Variants in MAP3K13 observed in about 807,000 individuals in gnomAD.
MAP3K13 encodes leucine zipper-bearing kinase.
MAP3K13 carries 52 observed loss-of-function variants against 104.0 expected under a neutral mutation model. The ratio of observed to expected loss-of-function variants is 0.50; its 90% confidence interval spans 0.40 to 0.63. The LOEUF is 0.63. Ranked by LOEUF, MAP3K13 falls within the 20% of genes least tolerant of loss-of-function variation. The pLI, the probability that MAP3K13 is intolerant of heterozygous loss-of-function variation, is 0.00. For missense variants in MAP3K13, 914 were observed against 1,218.5 expected, an observed-to-expected ratio of 0.75 and a Z score of 3.72; for synonymous variants, 394 against 442.2, an observed-to-expected ratio of 0.89 and a Z score of 1.37.
intron 10 of MAP3K13, among the ~76,000 whole-genome samples, chr3:185,470,166 TAAAAAC>T (rs1269394069): frequency 6.6e-6 from 1 of 152,170 alleles, no homozygotes; most frequent in East Asian, 1.9e-4. Flanking sequence ...ATTCTGTTGT[TAAAAAC>T]AAAAAAGTCT....
At chr3:185,467,653 C>T (rs936950242) in intron 10 of MAP3K13, among the ~76,000 whole-genome samples, 6 of 151,816 alleles carry the variant, frequency 4.0e-5, no homozygotes, top group Admixed American at 3.3e-4. Context: ...CGTGGTGGCA[C>T]GTGCCTGTAA....
Position 185,455,008 on chromosome 3 carries a change from G to GAT in MAP3K13, c.1278+3620_1278+3621dup, listed in dbSNP as rs1162911608. Among the ~76,000 whole-genome samples, 141 of 24,378 alleles carry GAT rather than the reference G, an allele frequency of 5.8e-3. 7 individuals are homozygous for GAT. Among genetic ancestry groups the GAT allele is most frequent in the Admixed American group, 0.01 (15 of 1,460 alleles). 16.0% of individuals were successfully genotyped at this position (24,378 alleles called of 152,430 possible). ...TATGAGATATATATGATATATATGA[G>GAT]ATATATATGATATATATGAGATATA... is the stretch of plus-strand genomic sequence containing the variant. On this transcript the variant is annotated intron_variant, in intron 7 of 13. Coordinates refer to ENST00000265026, the MANE Select transcript of MAP3K13 (RefSeq NM_004721.5).
At position 185,466,871 on chromosome 3, in the gene MAP3K13, A is replaced by G; in HGVS notation, c.1551A>G (p.Arg517=). 6.2e-7 allele frequency: 1 copy of G among 1,613,946 alleles called. No individual in the cohort carries two copies. The highest frequency in any genetic ancestry group is 8.5e-7 in the Non-Finnish European group (1 of 1,179,854). ...VEKKYPGTYK[R]HPVRPIIHPN... ...AGAAGTATCCTGGGACCTACAAACG[A>G]CACCCTGTTCGTCCTATCATCCATC... The change falls in exon 10 of 14, where the codon CGA becomes CGG. Residue 517 remains arginine, a synonymous_variant. Coordinates refer to ENST00000265026, the MANE Select transcript of MAP3K13 (RefSeq NM_004721.5).
At chr3:185,292,768 G>A (rs1720788208) in intron 2 of MAP3K13, 1 of 985,364 alleles carries the variant, frequency 1.0e-6, no homozygotes, top group Admixed American at 6.1e-5. Context: ...TCTGAGTTGA[G>A]TCCCTAAAAT....
In MAP3K13 at chr3:185,356,587, A is replaced by G. The variant is rs376450136; in HGVS notation, c.-86+70944A>G. Among the ~76,000 whole-genome samples, 35 of 152,342 alleles carry G rather than the reference A, an allele frequency of 2.3e-4. No individual in the cohort carries two copies. In the South Asian group the frequency reaches 7.2e-3, roughly 32 times the overall value. Reference sequence around the variant, plus strand: ...CAGCCCTCTGCCTACTTGTCCTTACAGCTAGTATCCTGATGAAACAAATGT... The same window carrying G: ...CAGCCCTCTGCCTACTTGTCCTTACGGCTAGTATCCTGATGAAACAAATGT... On this transcript the variant is annotated intron_variant, in intron 2 of 14. Coordinates refer to the MAP3K13 transcript ENST00000424227.
intron 2 of MAP3K13, among the ~76,000 whole-genome samples, chr3:185,303,211 A>G (rs1721168844): frequency 6.6e-6 from 1 of 152,134 alleles, no homozygotes; most frequent in Admixed American, 6.6e-5. Flanking sequence ...AATCCCTTTA[A>G]TATGCTGTTG....
At chr3:185,352,102 G>A (rs1292635779) in intron 2 of MAP3K13, among the ~76,000 whole-genome samples, 1 of 152,144 alleles carries the variant, frequency 6.6e-6, no homozygotes, top group East Asian at 1.9e-4. Context: ...AGCCAGGAAA[G>A]TACAGAACTA....
chr3:185,402,538 T>C (rs557115001), intron 1 of MAP3K13, among the ~76,000 whole-genome samples: 1 of 152,354 alleles, frequency 6.6e-6, no homozygotes, highest in South Asian at 2.1e-4. Flanking sequence ...AAAATCATAA[T>C]GTTCTCGCCT....
intron 7 of MAP3K13, among the ~76,000 whole-genome samples, chr3:185,460,550 G>A (rs1717039583): frequency 6.6e-6 from 1 of 152,168 alleles, no homozygotes; most frequent in South Asian, 2.1e-4. Flanking sequence ...AATTGGCTGT[G>A]GGCTTGCCCA....
At chr3:185,469,288 A>C (rs554977046) in intron 10 of MAP3K13, among the ~76,000 whole-genome samples, 3 of 152,318 alleles carry the variant, frequency 2.0e-5, no homozygotes, top group African/African-American at 7.2e-5. Flanking sequence ...ACAGTCCAAA[A>C]AGATAGTCTA....
chr3:185,283,474 G>GGAATGAAT (rs374615945), intron 1 of MAP3K13, among the ~76,000 whole-genome samples: 3 of 151,996 alleles, frequency 2.0e-5, no homozygotes, highest in East Asian at 1.9e-4. Flanking sequence ...TGTTGTCGAA[G>GGAATGAAT]GAATGAATGA....
At chr3:185,348,194 A>C (rs898418461) in intron 2 of MAP3K13, among the ~76,000 whole-genome samples, 2 of 152,006 alleles carry the variant, frequency 1.3e-5, no homozygotes, top group Non-Finnish European at 2.9e-5. Context: ...GGTTTTCTGG[A>C]ATTCTACTTT....
At position 185,381,361 on chromosome 3, in the gene MAP3K13, A is replaced by G. The variant is rs553001917; in HGVS notation, c.-86+17993A>G. Among the ~76,000 whole-genome samples the G allele has an allele frequency of 9.8e-5, 15 of 152,326 alleles. No individual in the cohort carries two copies. In the South Asian group the frequency reaches 2.7e-3, roughly 27 times the overall value. On this transcript the variant is annotated intron_variant, in intron 1 of 13. Coordinates refer to ENST00000265026, the MANE Select transcript of MAP3K13 (RefSeq NM_004721.5). Reference sequence around the variant, plus strand: ...AATAATAGGGAAATATAGTTAGTTAATCCTCGTTATTCACAGATACTATAT... The same window carrying G: ...AATAATAGGGAAATATAGTTAGTTAGTCCTCGTTATTCACAGATACTATAT...
intron 1 of MAP3K13, among the ~76,000 whole-genome samples, chr3:185,387,917 A>G (rs1222494613): frequency 1.3e-5 from 2 of 152,158 alleles, no homozygotes; most frequent in Non-Finnish European, 1.5e-5. Context: ...AGAAAATCCT[A>G]AAGACTTCAC....
At chr3:185,480,652 G>C in intron 13 of MAP3K13, 123 bp downstream of exon 13, 1 of 989,164 alleles carries the variant, frequency 1.0e-6, no homozygotes, top group Non-Finnish European at 1.5e-6. Flanking sequence ...GTATTAGTCT[G>C]TTTTCACACT....
intron 4 of MAP3K13, among the ~76,000 whole-genome samples, chr3:185,443,948 C>T (rs1299112685): frequency 3.9e-5 from 6 of 152,186 alleles, no homozygotes; most frequent in East Asian, 1.9e-4. Flanking sequence ...CAGACCTTCC[C>T]GCTAGAAGGC....
At chr3:185,431,089 A>G (rs1714716690) in intron 2 of MAP3K13, among the ~76,000 whole-genome samples, 1 of 152,164 alleles carries the variant, frequency 6.6e-6, no homozygotes, top group African/African-American at 2.4e-5. Flanking sequence ...GTGAGCACTC[A>G]CTCACTATCA....
chr3:185,299,225 G>C (rs1721015979), intron 2 of MAP3K13, among the ~76,000 whole-genome samples: 1 of 152,228 alleles, frequency 6.6e-6, no homozygotes, highest in Admixed American at 6.5e-5. Context: ...TTTGAAGAGA[G>C]ACAGGACACA....
At chr3:185,392,553 C>T (rs1269950955) in intron 1 of MAP3K13, among the ~76,000 whole-genome samples, 1 of 152,184 alleles carries the variant, frequency 6.6e-6, no homozygotes, top group Non-Finnish European at 1.5e-5. Context: ...ATGAATCTGA[C>T]TGAGAACTGC....
Sources: gnomAD v4.1 joint callset for allele counts (sites outside exome capture counted in the v4.1 genomes callset) on GRCh38, gnomAD v4.1.1 for gene constraint, MANE v1.5 for transcripts, NCBI Gene and HGNC (gene_info 2026-07-23, HGNC 2026-07-21) for gene names.